The following PFKL variants were observed in gnomAD, a reference collection of about 807,000 sequenced individuals.
PFKL encodes phosphofructokinase, liver type.
In PFKL, 74 loss-of-function variants were observed where a neutral mutation model predicts 92.1. That is an observed-to-expected ratio of 0.80 (90% CI 0.67 to 0.97). The LOEUF is 0.97. Among genes scored for constraint, PFKL ranks in the 50% least tolerant of loss-of-function variants. The probability of loss-of-function intolerance (pLI) is 0.00; values close to 1 mark genes in which losing one functional copy is unlikely to be tolerated. For synonymous variants in PFKL, 494 were observed against 456.4 expected (o/e 1.08, Z -1.05); for missense variants, 1,028 against 1,116.6 (o/e 0.92, Z 1.13).
At chr21:44,321,493 C>A (rs1422893141) in intron 12 of PFKL, 1 of 269,132 alleles carries the variant, frequency 3.7e-6, no homozygotes, top group Non-Finnish European at 6.9e-6. Context: ...TCCTCTGTTG[C>A]CTGCGTGCCA....
chr21:44,326,628 C>A, intron 21 of PFKL, 87 bp from the exon 22 acceptor site: 1 of 1,030,202 alleles, frequency 9.7e-7, no homozygotes, highest in Admixed American at 3.6e-5. Context: ...GCTGCAGGGT[C>A]GGGGGGGGTG....
chr21:44,324,990 C>A (rs1056001015), intron 18 of PFKL, 73 bp downstream of exon 18: 8 of 1,439,110 alleles, frequency 5.6e-6, no homozygotes, highest in African/African-American at 1.4e-5. Context: ...TGCTGAGGAG[C>A]GGCTGGGCAG....
At position 44,311,085 on chromosome 21, in the gene PFKL, T is replaced by C; in HGVS notation, c.237+2T>C. On this transcript the variant is annotated splice_donor_variant, in intron 3 of 21. Transcript: ENST00000349048. LOFTEE classifies it high-confidence loss of function. ...AGCGTCTCCAACATCATCCAGCTGG[T>C]GAGGCCTGGGAACGCGGATGCATGT... 1 of 1,612,008 alleles carries C rather than the reference T, an allele frequency of 6.2e-7. No homozygotes were observed. The highest frequency in any genetic ancestry group is 8.5e-7 in the Non-Finnish European group (1 of 1,178,912).
Position 44,307,214 on chromosome 21 carries a change from C to T in PFKL, c.159+460C>T, listed in dbSNP as rs965848802. The T allele has an allele frequency of 2.7e-4, 256 of 932,226 alleles. 1 individual carries two copies. Among genetic ancestry groups the T allele is most frequent in the Non-Finnish European group, 3.2e-4 (251 of 781,492 alleles). The allele number at this position is 932,226 out of a possible 1,614,324, so 57.7% of individuals were successfully genotyped here. A position where few individuals can be genotyped will look rare whatever the true frequency, so the allele number is the denominator to read the frequency against. On this transcript the variant is annotated intron_variant, in intron 2 of 21. Coordinates refer to ENST00000349048, the MANE Select transcript of PFKL (RefSeq NM_002626.6). ...TCACCACCCAGACCCGGGGGGCAGC[C>T]GCTGGCAGCAGCTCTGCTGTGTCTA...
At chr21:44,320,171 A>G in intron 12 of PFKL, 24 bp downstream of exon 12, 1 of 1,604,096 alleles carries the variant, frequency 6.2e-7, no homozygotes, top group South Asian at 1.1e-5. Context: ...CGGCGCCCAC[A>G]GAGGGAGGAA....
At position 44,324,658 on chromosome 21, in the gene PFKL, GAGCCC is replaced by G. The variant is rs771387853; in HGVS notation, c.1815+14_1815+18del. On this transcript the variant is annotated splice_donor_5th_base_variant and intron_variant, in intron 17 of 21. Coordinates refer to ENST00000349048, the MANE Select transcript of PFKL (RefSeq NM_002626.6). ...CTTTCAACATCCACGACTTAAAGGT[GAGCCC>G]AGCCCAGCCCCTGCTGCGGCAGACC... is the stretch of plus-strand genomic sequence containing the variant. 2 of 1,582,406 alleles carry G rather than the reference GAGCCC, an allele frequency of 1.3e-6. No homozygotes were observed. The highest frequency in any genetic ancestry group is 4.5e-5 in the East Asian group (2 of 44,550).
chr21:44,322,217 T>A lies in PFKL; in HGVS notation c.1409+14T>A. 6.3e-7 allele frequency: 1 copy of A among 1,595,586 alleles called. No homozygotes were observed. Reference sequence around the variant, plus strand: ...GGGGACCAAGAGGTGAGCTGCCTGCTGCGGGTACCTGGGGGCAGGAGGGCC... The same window carrying A: ...GGGGACCAAGAGGTGAGCTGCCTGCAGCGGGTACCTGGGGGCAGGAGGGCC... On this transcript the variant is annotated intron_variant, in intron 14 of 21. Transcript: ENST00000349048.
At chr21:44,307,701 C>T (rs1465672149) in intron 2 of PFKL, among the ~76,000 whole-genome samples, 1 of 152,146 alleles carries the variant, frequency 6.6e-6, no homozygotes. Flanking sequence ...TCTGTGCTGG[C>T]CCGTCCTCTC....
intron 12 of PFKL, 77 bp downstream of exon 12, chr21:44,320,224 C>T (rs1172701733): frequency 7.7e-7 from 1 of 1,290,820 alleles, no homozygotes; most frequent in African/African-American, 1.5e-5. Flanking sequence ...GGCCCCGTGG[C>T]TGGGCCTGCC....
intron 11 of PFKL, 68 bp from the exon 12 acceptor site, chr21:44,320,016 C>A: frequency 1.4e-6 from 2 of 1,443,916 alleles, no homozygotes; most frequent in Non-Finnish European, 1.9e-6. Context: ...GGCTCTGTCA[C>A]GGCTGCGCTG....
intron 2 of PFKL, among the ~76,000 whole-genome samples, chr21:44,309,832 A>G (rs1482630799): frequency 3.3e-5 from 5 of 152,216 alleles, no homozygotes; most frequent in African/African-American, 1.2e-4. Flanking sequence ...GAGATGGGGC[A>G]GGGGCACCTG....
chr21:44,302,920 C>A (rs193208022), intron 1 of PFKL, among the ~76,000 whole-genome samples: 1 of 152,264 alleles, frequency 6.6e-6, no homozygotes, highest in East Asian at 1.9e-4. Context: ...GCACAATAAC[C>A]TGTGCAAAGG....
chr21:44,324,284 C>T, intron 16 of PFKL: 1 of 608,604 alleles, frequency 1.6e-6, no homozygotes, highest in Non-Finnish European at 2.9e-6. Context: ...CCACTGTGCC[C>T]TGGGGGGTGG....
chr21:44,312,975 C>A lies in PFKL; in HGVS notation c.428-3C>A, dbSNP rs1389688111. On this transcript the variant is annotated splice_region_variant and splice_polypyrimidine_tract_variant and intron_variant, in intron 4 of 21. Transcript: ENST00000349048. ...CCAGGTCCTCCTGCTGCTCCTGGCC[C>A]AGGTAAGATCTCAGAGACTACAGCC... 6.2e-7 allele frequency: 1 copy of A among 1,612,358 alleles called. No individual in the cohort carries two copies. The highest frequency in any genetic ancestry group is 1.3e-5 in the African/African-American group (1 of 74,910).
At chr21:44,314,436 A>G (rs547190858) in intron 7 of PFKL, 264 of 190,978 alleles carry the variant, frequency 1.4e-3, no homozygotes, top group African/African-American at 5.8e-3. Context: ...AGTGGGGAGC[A>G]GGGCCTTCCC....
At chr21:44,305,500 C>T (rs2040908901) in intron 1 of PFKL, 5 of 1,197,094 alleles carry the variant, frequency 4.2e-6, no homozygotes, top group South Asian at 2.5e-5. Flanking sequence ...GACAGAGGAC[C>T]CGCATGGCTT....
chr21:44,316,257 G>C lies in PFKL; in HGVS notation c.761G>C (p.Gly254Ala). 6.2e-7 allele frequency: 1 copy of C among 1,613,120 alleles called. No homozygotes were observed. Among genetic ancestry groups the C allele is most frequent in the Non-Finnish European group, 8.5e-7 (1 of 1,179,966 alleles). Residue 254 changes from glycine to alanine, a missense_variant, in exon 8 of 22, where the codon GGG becomes GCG. Physicochemically the swap from Gly to Ala is moderately conservative, Grantham distance 60. Coordinates refer to ENST00000349048, the MANE Select transcript of PFKL (RefSeq NM_002626.6). ...TCTTTGACCCAGACTCGGAGCCGTG[G>C]GTCCCGACTGAACATCATCATCATC... ...CERLGETRSR[G>A]SRLNIIIIAE...
intron 14 of PFKL, among the ~76,000 whole-genome samples, 181 bp downstream of exon 14, chr21:44,322,384 G>A (rs954557640): frequency 3.3e-5 from 5 of 152,202 alleles, no homozygotes; most frequent in South Asian, 4.1e-4. Context: ...CCTGAGCTCC[G>A]CTGTGTAGGG....
rs767189984 is a variant in PFKL at position 44,316,516 on chromosome 21, C to T, written c.928C>T (p.Arg310Trp). The T allele has an allele frequency of 1.2e-5, 19 of 1,594,742 alleles. No individual in the cohort carries two copies. Among genetic ancestry groups the T allele is most frequent in the South Asian group, 4.5e-5 (4 of 89,014 alleles). The change falls in exon 9 of 22, where the codon CGG becomes TGG. Residue 310 changes from arginine to tryptophan, a missense_variant. Arg to Trp is a moderately radical substitution (Grantham distance 101). Coordinates refer to ENST00000349048, the MANE Select transcript of PFKL (RefSeq NM_002626.6). ...QRGGTPSAFD[R>W]ILSSKMGMEA... The stretch of plus-strand genomic sequence containing the variant: ...GGGAGGGACGCCCTCTGCCTTCGAC[C>T]GGATCCTGGTAAGTGGCCATCACCC...
Sources: gnomAD v4.1 joint callset for allele counts (sites outside exome capture counted in the v4.1 genomes callset) on GRCh38, gnomAD v4.1.1 for gene constraint, MANE v1.5 for transcripts, NCBI Gene and HGNC (gene_info 2026-07-23, HGNC 2026-07-21) for gene names.